The following ARSJ variants were observed in gnomAD, a reference collection of about 807,000 sequenced individuals.
The protein encoded by ARSJ is arylsulfatase family member J.
A neutral mutation model predicts 35.9 loss-of-function variants in ARSJ; 26 were observed. The observed-to-expected ratio is 0.72, with a 90% CI of 0.53 to 1.00. The LOEUF (loss-of-function observed/expected upper bound fraction) is 1.00, where lower values mean the gene tolerates loss of function less well. Ranked by LOEUF, ARSJ falls within the 50% of genes least tolerant of loss-of-function variation. The pLI, the probability that ARSJ is intolerant of heterozygous loss-of-function variation, is 0.00. For synonymous variants in ARSJ, 294 were observed against 267.6 expected (o/e 1.10, Z -0.96); for missense variants, 667 against 723.6 (o/e 0.92, Z 0.90).
At chr4:113,975,861 C>T (rs1727560064) in intron 1 of ARSJ, among the ~76,000 whole-genome samples, 1 of 152,126 alleles carries the variant, frequency 6.6e-6, no homozygotes, top group Non-Finnish European at 1.5e-5. Context: ...TTTCTAGACT[C>T]AACCCCGGAC....
intron 1 of ARSJ, among the ~76,000 whole-genome samples, chr4:113,939,372 C>T (rs75615601): frequency 0.29 from 41,882 of 146,750 alleles, 6,065 homozygotes; most frequent in East Asian, 0.46. Flanking sequence ...AATAAACATA[C>T]GTGTGCATGT....
intron 1 of ARSJ, among the ~76,000 whole-genome samples, chr4:113,917,483 A>G (rs1447820293): frequency 1.3e-5 from 2 of 152,218 alleles, no homozygotes; most frequent in African/African-American, 2.4e-5. Flanking sequence ...TTAGCTAAAA[A>G]TTATATTCAG....
chr4:113,973,617 C>G (rs927907016), intron 1 of ARSJ, among the ~76,000 whole-genome samples: 34 of 152,292 alleles, frequency 2.2e-4, no homozygotes, highest in African/African-American at 7.5e-4. Flanking sequence ...TACTGCATTT[C>G]TTTACCCAAT....
chr4:113,927,335 C>T (rs1346329323), intron 1 of ARSJ, among the ~76,000 whole-genome samples: 2 of 152,330 alleles, frequency 1.3e-5, no homozygotes, highest in East Asian at 3.9e-4. Flanking sequence ...TTCCCATCAT[C>T]TGACACACAA....
chr4:113,919,054 CTTCTAGAGTA>C (rs1488627489), intron 1 of ARSJ, among the ~76,000 whole-genome samples: 1 of 152,084 alleles, frequency 6.6e-6, no homozygotes, highest in African/African-American at 2.4e-5. Flanking sequence ...CTCTCTTCAA[CTTCTAGAGTA>C]TTTGGCTTTG....
chr4:113,932,827 A>T (rs1206033196), intron 1 of ARSJ, among the ~76,000 whole-genome samples: 1 of 151,996 alleles, frequency 6.6e-6, no homozygotes, highest in African/African-American at 2.4e-5. Flanking sequence ...ATTAAACTCA[A>T]CCTTAATAGG....
intron 1 of ARSJ, among the ~76,000 whole-genome samples, chr4:113,949,439 C>T (rs1445920810): frequency 6.6e-6 from 1 of 151,992 alleles, no homozygotes; most frequent in Non-Finnish European, 1.5e-5. Context: ...GAGACTATCT[C>T]TTTCCTTTAT....
At chr4:113,976,856 T>C (rs981261143) in intron 1 of ARSJ, among the ~76,000 whole-genome samples, 11 of 152,218 alleles carry the variant, frequency 7.2e-5, no homozygotes, top group African/African-American at 2.7e-4. Flanking sequence ...CCAGCTTAGT[T>C]TCTCTTTCAT....
intron 1 of ARSJ, among the ~76,000 whole-genome samples, chr4:113,953,599 A>C (rs1189932521): frequency 6.6e-6 from 1 of 152,024 alleles, no homozygotes; most frequent in Non-Finnish European, 1.5e-5. Flanking sequence ...TAGGATCTGC[A>C]CCTCTTGGCC....
At chr4:113,948,004 C>A (rs938249151) in intron 1 of ARSJ, among the ~76,000 whole-genome samples, 6 of 152,018 alleles carry the variant, frequency 3.9e-5, no homozygotes, top group South Asian at 2.1e-4. Flanking sequence ...GCCTGGGCAA[C>A]ATGGTGAAAC....
intron 1 of ARSJ, among the ~76,000 whole-genome samples, chr4:113,920,807 G>A (rs1194090791): frequency 1.3e-5 from 2 of 152,046 alleles, no homozygotes; most frequent in Admixed American, 6.6e-5. Context: ...TCCTATTTTA[G>A]AGTAAAAATG....
rs766544640 is a variant in ARSJ, at chr4:113,902,771, C to G, written c.1303G>C (p.Ala435Pro). 2.6e-5 allele frequency: 42 copies of G among 1,614,032 alleles called. No individual in the cohort carries two copies. Among genetic ancestry groups the G allele is most frequent in the Non-Finnish European group, 3.5e-5 (41 of 1,180,038 alleles). ...IYTKAKNGSW[A>P]AGYGIWNTAI... is the part of the protein sequence containing the mutation. ...GTGTTCCAGATCCCATAGCCTGCTG[C>G]CCAGGAGCCATTTTTTGCCTTGGTG... Residue 435 changes from alanine (A) to proline (P), a missense_variant, in exon 2 of 2, where the codon GCA (alanine) becomes CCA (proline). Coordinates refer to ENST00000315366, the MANE Select transcript of ARSJ (RefSeq NM_024590.4).
At chr4:113,935,599 C>T (rs910634426) in intron 1 of ARSJ, among the ~76,000 whole-genome samples, 6 of 151,794 alleles carry the variant, frequency 4.0e-5, no homozygotes, top group African/African-American at 1.4e-4. Context: ...TTCTGGCTCT[C>T]CCCTTTGTAC....
intron 1 of ARSJ, among the ~76,000 whole-genome samples, chr4:113,933,735 A>G (rs902754596): frequency 2.6e-5 from 4 of 151,798 alleles, no homozygotes; most frequent in African/African-American, 9.7e-5. Flanking sequence ...TAAAATAATA[A>G]AAGCGATACA....
intron 1 of ARSJ, among the ~76,000 whole-genome samples, chr4:113,934,516 T>C (rs10021369): frequency 0.016 from 2,419 of 151,900 alleles, 57 homozygotes; most frequent in African/African-American, 0.055. Context: ...TCCACTCATA[T>C]ATGGGAGCTA....
At chr4:113,920,942 C>T (rs1723634030) in intron 1 of ARSJ, among the ~76,000 whole-genome samples, 1 of 152,018 alleles carries the variant, frequency 6.6e-6, no homozygotes, top group Non-Finnish European at 1.5e-5. Context: ...AGCAATGGCG[C>T]TAATAATAAC....
At chr4:113,930,848 A>G (rs1427058886) in intron 1 of ARSJ, among the ~76,000 whole-genome samples, 2 of 150,846 alleles carry the variant, frequency 1.3e-5, no homozygotes, top group Non-Finnish European at 2.9e-5. Context: ...TGCAGCCATA[A>G]AAAATGATGA....
chr4:113,933,542 C>A (rs1273956698), intron 1 of ARSJ, among the ~76,000 whole-genome samples: 3 of 151,650 alleles, frequency 2.0e-5, no homozygotes, highest in Non-Finnish European at 4.4e-5. Flanking sequence ...AAGGATGGCT[C>A]AAAATAAGTA....
At chr4:113,974,710 C>T (rs1476623262) in intron 1 of ARSJ, among the ~76,000 whole-genome samples, 1 of 152,100 alleles carries the variant, frequency 6.6e-6, no homozygotes, top group African/African-American at 2.4e-5. Flanking sequence ...ACATTCCATA[C>T]AGTTACTGGT....
Sources: allele counts gnomAD v4.1 joint callset (sites outside exome capture counted in the v4.1 genomes callset), GRCh38; gene constraint gnomAD v4.1.1; transcripts MANE v1.5; gene names NCBI Gene and HGNC (gene_info 2026-07-23, HGNC 2026-07-21).